KRT2: variants seen among roughly 807,000 people sequenced by gnomAD.
KRT2 encodes the protein keratin, type II cytoskeletal 2 epidermal.
KRT2 carries 37 observed loss-of-function variants against 48.5 expected under a neutral mutation model. That is an observed-to-expected ratio of 0.76 (90% CI 0.59 to 1.00). KRT2 has a LOEUF of 1.00. KRT2 is among the 50% of genes least tolerant of loss of function. The pLI, the probability that KRT2 is intolerant of heterozygous loss-of-function variation, is 0.00. For missense variants in KRT2, 880 were observed against 815.2 expected, an observed-to-expected ratio of 1.08 and a Z score of -0.97; for synonymous variants, 324 against 312.2, an observed-to-expected ratio of 1.04 and a Z score of -0.40.
At position 52,649,080 on chromosome 12, in the gene KRT2, A is replaced by G; in HGVS notation, c.884T>C (p.Ile295Thr). ...LKKDVDNAYM[I>T]KVELQSKVDL... ...CACCTTGGACTGCAACTCCACCTTT[A>G]TCATGTAGGCATTGTCCACGTCCTG... Residue 295 changes from isoleucine (I) to threonine (T), a missense_variant, in exon 4 of 9, where the codon ATA (isoleucine) becomes ACA (threonine). By Grantham distance (89) the Ile-to-Thr change is moderately conservative (BLOSUM62 -1). Transcript: ENST00000309680. 1 of 1,612,492 alleles carries G rather than the reference A, an allele frequency of 6.2e-7. No individual in the cohort carries two copies. The highest frequency in any genetic ancestry group is 2.2e-5 in the East Asian group (1 of 44,862).
At position 52,651,697 on chromosome 12, in the gene KRT2, C is replaced by G; in HGVS notation, c.446G>C (p.Gly149Ala). ...CTGGTTGACAGAGACTTCGTGGATGCCACCAGGGTATCCTCCAGGCCCAAA... is the reference window on the plus strand; with the variant it reads ...CTGGTTGACAGAGACTTCGTGGATGGCACCAGGGTATCCTCCAGGCCCAAA... ...GGFGPGGYPG[G>A]IHEVSVNQSL... The change falls in exon 1 of 9, where the codon GGC becomes GCC. Residue 149 changes from glycine (G) to alanine (A), a missense_variant. Gly to Ala is a moderately conservative substitution (Grantham distance 60, BLOSUM62 0). Transcript: ENST00000309680. 6.2e-7 allele frequency: 1 copy of G among 1,614,058 alleles called. No homozygotes were observed. The highest frequency in any genetic ancestry group is 8.5e-7 in the Non-Finnish European group (1 of 1,179,962).
chr12:52,648,021 G>T, intron 5 of KRT2, 152 bp downstream of exon 5: 1 of 1,200,040 alleles, frequency 8.3e-7, no homozygotes, highest in Non-Finnish European at 1.2e-6. Context: ...TGCCCAAAAG[G>T]ACTTGGTGCC....
At chr12:52,645,669 C>A (rs1941153567) in intron 7 of KRT2, 100 bp from the exon 8 acceptor site, 1 of 1,240,244 alleles carries the variant, frequency 8.1e-7, no homozygotes, top group East Asian at 2.3e-5. Flanking sequence ...TTTAGCCTCT[C>A]TAAGCAGCCA....
intron 4 of KRT2, 44 bp from the exon 5 acceptor site, chr12:52,648,381 T>C: frequency 1.9e-6 from 3 of 1,564,550 alleles, no homozygotes; most frequent in Non-Finnish European, 2.6e-6. Flanking sequence ...CTGCCATAGC[T>C]ACAGGCAGAC....
chr12:52,649,679 G>T (rs1393721278), intron 3 of KRT2, among the ~76,000 whole-genome samples: 1 of 152,228 alleles, frequency 6.6e-6, no homozygotes, highest in African/African-American at 2.4e-5. Context: ...GAGGCTTTAA[G>T]TGGGTTACTA....
chr12:52,648,127 G>A (rs2232554), intron 5 of KRT2, 46 bp downstream of exon 5: 136 of 1,604,122 alleles, frequency 8.5e-5, no homozygotes, highest in Admixed American at 2.3e-4. Context: ...GTGCAACCCA[G>A]CTCATGGCAG....
intron 1 of KRT2, 65 bp downstream of exon 1, chr12:52,651,493 T>A: frequency 1.6e-6 from 2 of 1,236,808 alleles, no homozygotes; most frequent in Non-Finnish European, 2.4e-6. Flanking sequence ...TGCCATTTTC[T>A]TTTTGGTTGG....
intron 6 of KRT2, 26 bp from the exon 7 acceptor site, chr12:52,646,986 T>C (rs774973856): frequency 6.2e-7 from 1 of 1,606,474 alleles, no homozygotes. Flanking sequence ...AGAGAATGGA[T>C]TCTGCCTGAC....
rs1216326022 is a variant in KRT2, at chr12:52,644,905, G to A, written c.*114C>T. On this transcript the variant is annotated 3_prime_UTR_variant, in exon 9 of 9. Transcript: ENST00000309680. ...ATTCTTTTCCCTCAAAGTGCCATCAGAGATAAATGACAAAAATTTAACTTG... is the reference window on the plus strand; with the variant it reads ...ATTCTTTTCCCTCAAAGTGCCATCAAAGATAAATGACAAAAATTTAACTTG... 7.2e-5 allele frequency: 80 copies of A among 1,117,844 alleles called. No individual in the cohort carries two copies. Among genetic ancestry groups the A allele is most frequent in the Non-Finnish European group, 1.0e-4 (77 of 752,092 alleles). The allele number at this position is 1,117,844 out of a possible 1,614,324, so 69.2% of individuals were successfully genotyped here. A position where few individuals can be genotyped will look rare whatever the true frequency, so the allele number is the denominator to read the frequency against.
Position 52,648,181 on chromosome 12 carries a change from G to A in KRT2, c.1114C>T (p.His372Tyr). Residue 372 changes from histidine to tyrosine, a missense_variant, in exon 5 of 9, where the codon CAC becomes TAC. Transcript: ENST00000309680. Reference sequence around the variant, plus strand: ...ACATTCCCTCTACTTGCCTTGCTGTGGTACAGGGCCTCCGCTTCTTCCTTG... The same window carrying A: ...ACATTCCCTCTACTTGCCTTGCTGTAGTACAGGGCCTCCGCTTCTTCCTTG... The part of the protein sequence containing the change: ...RSKEEAEALY[H>Y]SKYEELQVTV... 9 of 1,614,164 alleles carry A rather than the reference G, an allele frequency of 5.6e-6. No individual in the cohort carries two copies. The highest frequency in any genetic ancestry group is 1.1e-5 in the South Asian group (1 of 91,078).
At position 52,649,923 on chromosome 12, in the gene KRT2, C is replaced by T. The variant is rs780098277; in HGVS notation, c.852G>A (p.Thr284=). 2.7e-5 allele frequency: 44 copies of T among 1,613,184 alleles called. No homozygotes were observed. Among genetic ancestry groups the T allele is most frequent in the Non-Finnish European group, 3.2e-5 (38 of 1,179,270 alleles). ...KRTAAENDFV[T]LKKDVDNAYM... is the part of the protein sequence containing the mutation. ...ACATTCTCTCGCTCACCTTTTTAAG[C>T]GTCACAAAATCATTCTCAGCAGCTG... The change falls in exon 3 of 9, where the codon ACG becomes ACA. Residue 284 remains threonine (T), a synonymous_variant. Transcript: ENST00000309680.
Position 52,651,840 on chromosome 12 carries a change from G to A in KRT2, c.303C>T (p.Ser101=), listed in dbSNP as rs1224869686. 3.7e-6 allele frequency: 6 copies of A among 1,600,596 alleles called. No homozygotes were observed. The African/African-American group carries it at 8.1e-5, about 21-fold the overall frequency. The part of the protein sequence containing the change: ...GRGGGFGGGS[S]FGGGSGFSGG... ...CACTGAAGCCGCTGCCACCTCCAAAGCTGCTGCCGCCTCCAAAACCACCTC... is the reference window on the plus strand; with the variant it reads ...CACTGAAGCCGCTGCCACCTCCAAAACTGCTGCCGCCTCCAAAACCACCTC... Residue 101 remains serine, a synonymous_variant, in exon 1 of 9, where the codon AGC becomes AGT. Coordinates refer to ENST00000309680, the MANE Select transcript of KRT2 (RefSeq NM_000423.3).
chr12:52,650,030 T>C (rs1202817110), intron 2 of KRT2, 56 bp from the exon 3 acceptor site: 2 of 1,316,374 alleles, frequency 1.5e-6, no homozygotes, highest in African/African-American at 1.4e-5. Flanking sequence ...TTTTTTTTCT[T>C]TTCCTTTTAT....
At chr12:52,646,628 G>A (rs561112566) in intron 7 of KRT2, 112 bp downstream of exon 7, 30 of 1,187,492 alleles carry the variant, frequency 2.5e-5, no homozygotes, top group South Asian at 4.9e-5. Context: ...GTTCTCAGTT[G>A]TCAGGAGGGC....
At chr12:52,648,466 AT>A in intron 4 of KRT2, 129 bp from the exon 5 acceptor site, 1 of 841,696 alleles carries the variant, frequency 1.2e-6, no homozygotes, top group Non-Finnish European at 2.1e-6. Flanking sequence ...GATGAAAATC[AT>A]GTAACCGTCT....
In KRT2 at chr12:52,644,730, G is replaced by T. The variant is rs886049629; in HGVS notation, c.*289C>A. ...TCAACAGAATACACATCTGGAAAAT[G>T]GGCAATGCAAAGAGGCATGGTGGGG... On this transcript the variant is annotated 3_prime_UTR_variant, in exon 9 of 9. Coordinates refer to ENST00000309680, the MANE Select transcript of KRT2 (RefSeq NM_000423.3). 1 of 481,276 alleles carries T rather than the reference G, an allele frequency of 2.1e-6. No homozygotes were observed. The highest frequency in any genetic ancestry group is 4.1e-5 in the East Asian group (1 of 24,168). 29.8% of individuals were successfully genotyped at this position (481,276 alleles called of 1,614,324 possible). A position where few individuals can be genotyped will look rare whatever the true frequency, so the allele number is the denominator to read the frequency against.
Position 52,652,179 on chromosome 12 carries a change from G to A in KRT2, c.-37C>T, listed in dbSNP as rs903852174. On this transcript the variant is annotated 5_prime_UTR_variant, in exon 1 of 9. Transcript: ENST00000309680. The stretch of plus-strand genomic sequence containing the variant: ...CCAGGGAGGAAAGTCACAGGCTCTT[G>A]AGAAGAGTCAAGGCTGGAGACTCAA... 30 of 1,460,368 alleles carry A rather than the reference G, an allele frequency of 2.1e-5. No homozygotes were observed. The highest frequency in any genetic ancestry group is 7.9e-5 in the Admixed American group (4 of 50,888). The allele number at this position is 1,460,368 out of a possible 1,614,324, so 90.5% of individuals were successfully genotyped here.
chr12:52,648,399 C>T (rs1186802562), intron 4 of KRT2, 62 bp from the exon 5 acceptor site: 9 of 1,395,620 alleles, frequency 6.4e-6, no homozygotes, highest in Non-Finnish European at 9.2e-6. Context: ...GACAGGAGGC[C>T]TCTGTCTCCC....
At chr12:52,651,296 G>T (rs1031437396) in intron 1 of KRT2, among the ~76,000 whole-genome samples, 1 of 152,108 alleles carries the variant, frequency 6.6e-6, no homozygotes, top group East Asian at 1.9e-4. Context: ...ATTTTTTATG[G>T]TTTTCAGAAT....
Sources: gnomAD v4.1 joint callset for allele counts (sites outside exome capture counted in the v4.1 genomes callset) on GRCh38, gnomAD v4.1.1 for gene constraint, MANE v1.5 for transcripts, NCBI Gene and HGNC (gene_info 2026-07-23, HGNC 2026-07-21) for gene names.